DLG2: variants seen among roughly 807,000 people sequenced by gnomAD.
DLG2 encodes discs large MAGUK scaffold protein 2.
In DLG2, 45 loss-of-function variants were observed where a neutral mutation model predicts 132.5. The observed-to-expected ratio is 0.34, with a 90% confidence interval of 0.27 to 0.44. The LOEUF is 0.44. Ranked by LOEUF, DLG2 falls within the 20% of genes least tolerant of loss-of-function variation. DLG2 has a pLI of 1.00. For synonymous variants in DLG2, 424 were observed against 419.6 expected (o/e 1.01, Z -0.13); for missense variants, 1,045 against 1,196.9 (o/e 0.87, Z 1.87).
At chr11:84,970,276 TC>T (rs34290282) in intron 6 of DLG2, among the ~76,000 whole-genome samples, 1 of 152,070 alleles carries the variant, frequency 6.6e-6, no homozygotes, top group South Asian at 2.1e-4. Context: ...TTTCAGAACT[TC>T]CCCCATCCCA....
intron 6 of DLG2, among the ~76,000 whole-genome samples, chr11:84,901,765 T>C (rs771527107): frequency 1.6e-4 from 25 of 152,090 alleles, no homozygotes; most frequent in Non-Finnish European, 3.2e-4. Context: ...CTGACATTCA[T>C]GAAAATCTAG....
intron 3 of DLG2, among the ~76,000 whole-genome samples, chr11:85,585,325 T>G (rs150960617): frequency 3.2e-4 from 49 of 152,338 alleles, no homozygotes; most frequent in African/African-American, 1.1e-3. Context: ...TATTTGGCTT[T>G]ATTTCTGGGT....
At chr11:84,164,499 C>T (rs1019937331) in intron 8 of DLG2, among the ~76,000 whole-genome samples, 6 of 152,158 alleles carry the variant, frequency 3.9e-5, no homozygotes, top group African/African-American at 4.8e-5. Flanking sequence ...AGAATTTATA[C>T]CCAGTACCAG....
chr11:84,388,342 A>G (rs2098779506), intron 7 of DLG2, among the ~76,000 whole-genome samples: 1 of 152,096 alleles, frequency 6.6e-6, no homozygotes, highest in Non-Finnish European at 1.5e-5. Context: ...CATCTATTCC[A>G]TCTCTAATAA....
chr11:84,296,508 G>A (rs570074480), intron 7 of DLG2, among the ~76,000 whole-genome samples: 3 of 152,140 alleles, frequency 2.0e-5, no homozygotes, highest in East Asian at 1.9e-4. Context: ...GTGCAATCAC[G>A]GCTCACTGCA....
At chr11:84,435,339 T>A (rs575715989) in intron 7 of DLG2, among the ~76,000 whole-genome samples, 1 of 152,328 alleles carries the variant, frequency 6.6e-6, no homozygotes, top group South Asian at 2.1e-4. Context: ...ATGAACTATT[T>A]CCATTCACCA....
rs71066079 is a variant in DLG2, at chr11:83,997,730, C to CAAAAAAAAAAAAA, written c.920-17101_920-17089dup. On this transcript the variant is annotated intron_variant, in intron 11 of 27. Transcript: ENST00000376104. ...TGGGTGACAGAGCAAGACTCCATCT[C>CAAAAAAAAAAAAA]AAAAAAAAAAAAAAAAAAAAAAAAA... Among the ~76,000 whole-genome samples, 14 of 24,796 alleles carry CAAAAAAAAAAAAA rather than the reference C, an allele frequency of 5.6e-4. 1 individual carries two copies. Among genetic ancestry groups the CAAAAAAAAAAAAA allele is most frequent in the East Asian group, 1.9e-3 (1 of 536 alleles). The allele number at this position is 24,796 out of a possible 152,430, so 16.3% of individuals were successfully genotyped here.
At chr11:85,014,453 T>C (rs1252164851) in intron 6 of DLG2, among the ~76,000 whole-genome samples, 2 of 152,150 alleles carry the variant, frequency 1.3e-5, no homozygotes. Flanking sequence ...ACTAAACAGA[T>C]GGAAAGAAAA....
intron 15 of DLG2, among the ~76,000 whole-genome samples, chr11:83,888,474 T>C (rs2068628851): frequency 6.6e-6 from 1 of 152,064 alleles, no homozygotes; most frequent in Non-Finnish European, 1.5e-5. Flanking sequence ...TGGAAGAACA[T>C]TCCATGCTCA....
chr11:84,049,458 A>G lies in DLG2; in HGVS notation c.919+9857T>C, dbSNP rs546134499. On this transcript the variant is annotated intron_variant, in intron 11 of 27. Coordinates refer to ENST00000376104, the MANE Select transcript of DLG2 (RefSeq NM_001142699.3). Reference sequence around the variant, plus strand: ...CACTCATACGGACTCTTCGCAGTTGAAAAACTGTCAGCTTCCATCTGAGCC... The same window carrying G: ...CACTCATACGGACTCTTCGCAGTTGGAAAACTGTCAGCTTCCATCTGAGCC... Among the ~76,000 whole-genome samples the G allele has an allele frequency of 3.3e-4, 50 of 151,850 alleles. 1 individual carries two copies. The highest frequency in any genetic ancestry group is 1.2e-3 in the African/African-American group (48 of 41,474).
At chr11:84,038,040 C>G (rs10751103) in intron 11 of DLG2, among the ~76,000 whole-genome samples, 98,241 of 151,774 alleles carry the variant, frequency 0.65, 34,087 homozygotes, top group Non-Finnish European at 0.78. Flanking sequence ...TGTGTCATGG[C>G]GGTTTGTGGT....
Position 83,598,327 on chromosome 11 carries a change from C to T in DLG2, c.1940+34884G>A, listed in dbSNP as rs1482201304. 2.6e-5 allele frequency among the ~76,000 whole-genome samples: 4 copies of T among 152,212 alleles called. No individual in the cohort carries two copies. The East Asian group carries it at 5.8e-4, about 22-fold the overall frequency. Reference sequence around the variant, plus strand: ...AAACGTTTCAGAAACTCCTGAGCACCATCTTAAAGTGAAAGATGGGACAAC... The same window carrying T: ...AAACGTTTCAGAAACTCCTGAGCACTATCTTAAAGTGAAAGATGGGACAAC... On this transcript the variant is annotated intron_variant, in intron 19 of 27. Coordinates refer to ENST00000376104, the MANE Select transcript of DLG2 (RefSeq NM_001142699.3).
chr11:83,565,202 A>C (rs683125), intron 19 of DLG2, among the ~76,000 whole-genome samples: 7 of 151,850 alleles, frequency 4.6e-5, no homozygotes, highest in African/African-American at 1.7e-4. Context: ...TAATATGACC[A>C]TTGTGCTGGA....
chr11:85,482,796 C>G (rs1226313647), intron 3 of DLG2, among the ~76,000 whole-genome samples: 1 of 152,148 alleles, frequency 6.6e-6, no homozygotes, highest in Non-Finnish European at 1.5e-5. Flanking sequence ...CTAGAAAACC[C>G]AGAGTCCAGA....
chr11:85,417,611 T>C (rs1279064602), intron 3 of DLG2, among the ~76,000 whole-genome samples: 1 of 152,202 alleles, frequency 6.6e-6, no homozygotes, highest in Non-Finnish European at 1.5e-5. Context: ...AATTACTGCT[T>C]CAATTTCAGA....
At chr11:84,264,527 T>C (rs1235114948) in intron 7 of DLG2, among the ~76,000 whole-genome samples, 2 of 152,100 alleles carry the variant, frequency 1.3e-5, no homozygotes, top group African/African-American at 4.8e-5. Flanking sequence ...GAAAAAAGAA[T>C]GAAAGAGAAG....
At chr11:84,712,818 T>C (rs1372879092) in intron 6 of DLG2, among the ~76,000 whole-genome samples, 1 of 152,122 alleles carries the variant, frequency 6.6e-6, no homozygotes, top group Non-Finnish European at 1.5e-5. Context: ...AGTTTCTCTT[T>C]TCTCACCTTG....
chr11:84,988,249 G>A (rs1241729594), intron 6 of DLG2, among the ~76,000 whole-genome samples: 2 of 152,156 alleles, frequency 1.3e-5, no homozygotes, highest in Non-Finnish European at 2.9e-5. Context: ...AGATGTTGGT[G>A]TGGATGCAGT....
At chr11:84,667,222 C>G (rs2099700599) in intron 6 of DLG2, among the ~76,000 whole-genome samples, 1 of 152,028 alleles carries the variant, frequency 6.6e-6, no homozygotes. Context: ...AAGTAAGCAA[C>G]TTAATAGAAA....
Sources: gnomAD v4.1 joint callset for allele counts (sites outside exome capture counted in the v4.1 genomes callset) on GRCh38, gnomAD v4.1.1 for gene constraint, MANE v1.5 for transcripts, NCBI Gene and HGNC (gene_info 2026-07-23, HGNC 2026-07-21) for gene names.